Variants in TENM1 observed in about 807,000 individuals in gnomAD.
TENM1 encodes the protein teneurin transmembrane protein 1.
Under a neutral mutation model 174.8 loss-of-function variants are expected in TENM1, and 35 were observed. The observed-to-expected ratio is 0.20, with a 90% CI of 0.15 to 0.27. The LOEUF (loss-of-function observed/expected upper bound fraction) is 0.27. Among genes scored for constraint, TENM1 ranks in the 10% least tolerant of loss-of-function variants. The probability of loss-of-function intolerance (pLI) is 1.00; values close to 1 mark genes in which losing one functional copy is unlikely to be tolerated. For missense variants in TENM1, 1,633 were observed against 2,130.1 expected, an observed-to-expected ratio of 0.77 and a Z score of 4.59; for synonymous variants, 781 against 798.7, an observed-to-expected ratio of 0.98 and a Z score of 0.37.
At chrX:124,805,643 A>G (rs2055575231) in intron 3 of TENM1, among the ~76,000 whole-genome samples, 1 of 112,299 alleles carries the variant, frequency 8.9e-6, no homozygotes, top group African/African-American at 3.2e-5. Flanking sequence ...AGCAGGCCTC[A>G]GCAACCATGG....
intron 23 of TENM1, among the ~76,000 whole-genome samples, chrX:124,437,236 G>C (rs2147795293): frequency 9.5e-6 from 1 of 105,795 alleles, no homozygotes; most frequent in East Asian, 3.0e-4. Flanking sequence ...ACAGGCATGA[G>C]CCACTGCGCC....
At chrX:125,127,036 C>T in the TENM1 span, among the ~76,000 whole-genome samples, 6 of 111,569 alleles carry the variant, frequency 5.4e-5, no homozygotes, top group African/African-American at 2.0e-4. Flanking sequence ...TCTATGAACT[C>T]TCATTTGGCC....
At chrX:124,521,732 T>C (rs887453744) in intron 17 of TENM1, among the ~76,000 whole-genome samples, 13 of 112,367 alleles carry the variant, frequency 1.2e-4, no homozygotes, top group Non-Finnish European at 2.4e-4. Context: ...TTTCATGCTC[T>C]TATTCATTTT....
At chrX:125,171,681 CAAG>C in the TENM1 span, among the ~76,000 whole-genome samples, 1 of 111,490 alleles carries the variant, frequency 9.0e-6, no homozygotes, top group African/African-American at 3.3e-5. Context: ...CTTTATGAAC[CAAG>C]AAGTCAGCCC....
intron 3 of TENM1, among the ~76,000 whole-genome samples, chrX:124,869,672 C>A (rs1361498676): frequency 1.8e-5 from 2 of 111,251 alleles, no homozygotes; most frequent in African/African-American, 6.5e-5. Context: ...TCATTTGCGA[C>A]AACATGGATG....
At chrX:125,029,439 G>A in the TENM1 span, among the ~76,000 whole-genome samples, 3 of 110,957 alleles carry the variant, frequency 2.7e-5, no homozygotes, top group African/African-American at 9.8e-5. Flanking sequence ...ATCCTAGCAG[G>A]GTTGTAGGCA....
intron 27 of TENM1, among the ~76,000 whole-genome samples, chrX:124,403,590 A>G (rs2060426461): frequency 9.1e-6 from 1 of 110,420 alleles, no homozygotes; most frequent in African/African-American, 3.3e-5. Flanking sequence ...ATCAAGCCAT[A>G]TGACCGGTTT....
the TENM1 span, among the ~76,000 whole-genome samples, chrX:125,090,709 AG>A: frequency 9.0e-6 from 1 of 111,218 alleles, no homozygotes; most frequent in Non-Finnish European, 1.9e-5. Flanking sequence ...AATGCTGCCT[AG>A]GGGTGGACTG....
chrX:124,697,094 A>G (rs893127991), intron 5 of TENM1, among the ~76,000 whole-genome samples: 1 of 111,592 alleles, frequency 9.0e-6, no homozygotes, highest in Non-Finnish European at 1.9e-5. Context: ...CAGATCATAT[A>G]TCTTTTCTTC....
chrX:124,925,844 A>G (rs2058085377), intron 1 of TENM1, among the ~76,000 whole-genome samples: 1 of 111,877 alleles, frequency 8.9e-6, no homozygotes, highest in East Asian at 2.8e-4. Context: ...TGGCTCAGCT[A>G]TGACAACATG....
At chrX:124,500,833 C>T (rs1322761156) in intron 19 of TENM1, among the ~76,000 whole-genome samples, 1 of 111,399 alleles carries the variant, frequency 9.0e-6, no homozygotes, top group East Asian at 2.8e-4. Context: ...AGGAAGAAAC[C>T]ATTTTTCAGA....
At chrX:124,777,261 C>T (rs2054807226) in intron 3 of TENM1, among the ~76,000 whole-genome samples, 1 of 111,736 alleles carries the variant, frequency 8.9e-6, no homozygotes, top group African/African-American at 3.2e-5. Flanking sequence ...AGCTTGAGAT[C>T]AGTGTTAGTA....
chrX:124,755,662 G>A (rs1316782751), intron 3 of TENM1, among the ~76,000 whole-genome samples: 2 of 110,772 alleles, frequency 1.8e-5, no homozygotes, highest in African/African-American at 6.6e-5. Context: ...CTTCCTTCAG[G>A]AGCTCTTTTA....
chrX:124,553,235 G>C (rs1183213362), intron 14 of TENM1, among the ~76,000 whole-genome samples: 1 of 88,550 alleles, frequency 1.1e-5, no homozygotes, highest in African/African-American at 4.3e-5. Context: ...GGTGGCTCAC[G>C]CCTGTAATCT....
At chrX:124,900,825 CTTG>C (rs1278968312) in intron 1 of TENM1, among the ~76,000 whole-genome samples, 2 of 85,821 alleles carry the variant, frequency 2.3e-5, no homozygotes, top group South Asian at 5.5e-4. Context: ...GAGTTTTGCT[CTTG>C]TTGTTCAGGC....
intron 1 of TENM1, among the ~76,000 whole-genome samples, chrX:124,924,917 T>C (rs746578976): frequency 9.1e-6 from 1 of 110,051 alleles, no homozygotes; most frequent in East Asian, 2.9e-4. Flanking sequence ...CCGAACAAGC[T>C]AGATATCCTG....
intron 22 of TENM1, among the ~76,000 whole-genome samples, chrX:124,465,995 C>T (rs2061237013): frequency 8.9e-6 from 1 of 111,823 alleles, no homozygotes; most frequent in Non-Finnish European, 1.9e-5. Context: ...TGTGGACGTG[C>T]TACAGTAGCT....
Position 124,936,907 on chromosome X carries a change from G to A in TENM1, c.217+26630C>T, listed in dbSNP as rs147765255. ...ACTAAAAATACAAAATTAACTGGGC[G>A]TGGTGGCACATGCTTGTAATCCCAG... On this transcript the variant is annotated intron_variant, in intron 1 of 31. Transcript: ENST00000422452. 2.8e-3 allele frequency among the ~76,000 whole-genome samples: 314 copies of A among 110,727 alleles called. 1 individual carries two copies. The highest frequency in any genetic ancestry group is 9.4e-3 in the African/African-American group (286 of 30,426).
chrX:124,567,150 A>G (rs1276741529), intron 11 of TENM1, among the ~76,000 whole-genome samples: 1 of 112,044 alleles, frequency 8.9e-6, no homozygotes, highest in Non-Finnish European at 1.9e-5. Flanking sequence ...ACCCTAAGAT[A>G]TATGTAAAAA....
Sources: allele counts gnomAD v4.1 joint callset (sites outside exome capture counted in the v4.1 genomes callset), GRCh38; gene constraint gnomAD v4.1.1; transcripts MANE v1.5; gene names NCBI Gene and HGNC (gene_info 2026-07-23, HGNC 2026-07-21).